Variants in ZNF608 observed in about 807,000 individuals in gnomAD.
ZNF608 encodes the protein renal carcinoma antigen NY-REN-36.
ZNF608 carries 12 observed loss-of-function variants against 109.0 expected under a neutral mutation model. The observed-to-expected ratio is 0.11, with a 90% CI of 0.07 to 0.18. ZNF608 has a LOEUF of 0.18. Among genes scored for constraint, ZNF608 ranks in the 10% least tolerant of loss-of-function variants. The pLI, the probability that ZNF608 is intolerant of heterozygous loss-of-function variation, is 1.00. For synonymous variants in ZNF608, 732 were observed against 717.4 expected, an observed-to-expected ratio of 1.02 and a Z score of -0.33; for missense variants, 1,707 against 1,879.3, an observed-to-expected ratio of 0.91 and a Z score of 1.70.
rs1186463185 is a variant in ZNF608, at chr5:124,746,637, A to G, written c.-626T>C. ...AGCAAACCTACAGGCGTCCGCTAGT[A>G]ACGAGACAGAATGTGCTAACATCGG... On this transcript the variant is annotated 5_prime_UTR_variant, in exon 1 of 10. Coordinates refer to ENST00000513986, the MANE Select transcript of ZNF608 (RefSeq NM_020747.3). 1 of 985,310 alleles carries G rather than the reference A, an allele frequency of 1.0e-6. No homozygotes were observed. The highest frequency in any genetic ancestry group is 1.2e-6 in the Non-Finnish European group (1 of 829,934). 61.0% of individuals were successfully genotyped at this position (985,310 alleles called of 1,614,324 possible). A position where few individuals can be genotyped will look rare whatever the true frequency, so the allele number is the denominator to read the frequency against.
rs183968861 is a variant in ZNF608 at position 124,729,446 on chromosome 5, G to A, written c.906+14638C>T. On this transcript the variant is annotated intron_variant, in intron 2 of 9. Transcript: ENST00000513986. Reference sequence around the variant, plus strand: ...GGCAGCAAAGTGGTATCACACTGGAGCGGAAACCTATTCTGAGCCCGGGAG... The same window carrying A: ...GGCAGCAAAGTGGTATCACACTGGAACGGAAACCTATTCTGAGCCCGGGAG... Among the ~76,000 whole-genome samples, 52 of 152,294 alleles carry A rather than the reference G, an allele frequency of 3.4e-4. 1 individual carries two copies. The East Asian group carries it at 8.3e-3, about 24-fold the overall frequency.
rs1170930350 is a variant in ZNF608 at position 124,648,425 on chromosome 5, A to G, written c.1959T>C (p.Gly653=). 4 of 1,613,992 alleles carry G rather than the reference A, an allele frequency of 2.5e-6. No individual in the cohort carries two copies. Among genetic ancestry groups the G allele is most frequent in the East Asian group, 2.2e-5 (1 of 44,886 alleles). The change falls in exon 5 of 10, where the codon GGT becomes GGC. Residue 653 remains glycine (G), a synonymous_variant. Transcript: ENST00000513986. ...LMSNGPGSII[G]AKAGKNSGKK... ...TGCCAGAATTCTTCCCAGCTTTAGC[A>G]CCAATAATGGAACCTGGGCCATTGC...
At chr5:124,682,413 A>G (rs1477968656) in intron 3 of ZNF608, among the ~76,000 whole-genome samples, 1 of 152,214 alleles carries the variant, frequency 6.6e-6, no homozygotes, top group Non-Finnish European at 1.5e-5. Context: ...GAAAATGTGC[A>G]CCACGAAAAT....
chr5:124,646,231 C>T (rs186934070), intron 5 of ZNF608, among the ~76,000 whole-genome samples: 2 of 152,066 alleles, frequency 1.3e-5, no homozygotes, highest in African/African-American at 2.4e-5. Context: ...CATGGTGGCA[C>T]GTGCCTGTAG....
intron 1 of ZNF608, 157 bp downstream of exon 1, chr5:124,746,038 G>A (rs372995291): frequency 2.9e-5 from 21 of 717,704 alleles, no homozygotes; most frequent in Admixed American, 1.9e-4. Flanking sequence ...AGTGATCTGC[G>A]CCAAGGTGGC....
intron 2 of ZNF608, among the ~76,000 whole-genome samples, chr5:124,725,942 G>T (rs1754118944): frequency 6.6e-6 from 1 of 152,066 alleles, no homozygotes. Context: ...TTATAGAAAA[G>T]GGTGCTATAT....
At chr5:124,651,665 G>A (rs573505883) in intron 3 of ZNF608, among the ~76,000 whole-genome samples, 41 of 152,392 alleles carry the variant, frequency 2.7e-4, no homozygotes, top group Non-Finnish European at 4.1e-4. Context: ...ACATTTGTCT[G>A]CAGTGAAAGG....
chr5:124,699,298 C>T (rs891522268), intron 3 of ZNF608, among the ~76,000 whole-genome samples: 2 of 152,270 alleles, frequency 1.3e-5, no homozygotes, highest in East Asian at 3.9e-4. Flanking sequence ...AGCTTGCTCC[C>T]CACATGGGAC....
upstream of ZNF608, among the ~76,000 whole-genome samples, chr5:124,747,604 C>T (rs965851236): frequency 6.6e-6 from 1 of 151,566 alleles, no homozygotes; most frequent in South Asian, 2.1e-4. Flanking sequence ...AGTCTCTCCC[C>T]TCCCCCTGCA....
chr5:124,641,226 G>C (rs534529103), intron 8 of ZNF608, 26 bp downstream of exon 8: 1 of 1,613,078 alleles, frequency 6.2e-7, no homozygotes, highest in Non-Finnish European at 8.5e-7. Flanking sequence ...AATGGACAAA[G>C]ACACAGTAAT....
At chr5:124,710,692 T>C (rs1753453940) in intron 2 of ZNF608, 1 of 152,834 alleles carries the variant, frequency 6.5e-6, no homozygotes, top group Admixed American at 6.5e-5. Context: ...CAAATGTTGA[T>C]CCAAAACACT....
chr5:124,744,292 C>T lies in ZNF608; in HGVS notation c.698G>A (p.Gly233Glu), dbSNP rs752618657. The change falls in exon 2 of 10, where the codon GGG (glycine) becomes GAG (glutamate). Residue 233 changes from glycine to glutamate, a missense_variant. Around this residue, in one of 7 missense-constraint regions of ZNF608, gnomAD observed 407 missense variants for 398.7 expected, o/e 1.02. Coordinates refer to ENST00000513986, the MANE Select transcript of ZNF608 (RefSeq NM_020747.3). This position sits in a 1 kb window ranked among gnomAD's most constrained non-coding sequence, Gnocchi z 4.5. ...NGSGSQAPSG[G>E]HLYGFGAKSN... Reference sequence around the variant, plus strand: ...CTTGGCCCCAAAGCCATAGAGGTGCCCCCCGGAAGGGGCCTGGCTGCCACT... The same window carrying T: ...CTTGGCCCCAAAGCCATAGAGGTGCTCCCCGGAAGGGGCCTGGCTGCCACT... 22 of 1,613,844 alleles carry T rather than the reference C, an allele frequency of 1.4e-5. No homozygotes were observed. The highest frequency in any genetic ancestry group is 1.8e-5 in the Non-Finnish European group (21 of 1,179,988).
Position 124,648,778 on chromosome 5 carries a change from C to T in ZNF608, c.1606G>A (p.Gly536Arg). 6.2e-7 allele frequency: 1 copy of T among 1,614,212 alleles called. No individual in the cohort carries two copies. Among genetic ancestry groups the T allele is most frequent in the Non-Finnish European group, 8.5e-7 (1 of 1,180,026 alleles). Reference protein sequence around the residue: ...NSRSTPTTPQGKPETTFLDQG... With the variant: ...NSRSTPTTPQRKPETTFLDQG... ...TCCAAAAAAGTAGTCTCTGGTTTCCCTTGAGGGGTAGTGGGAGTGCTTCTG... is the reference window on the plus strand; with the variant it reads ...TCCAAAAAAGTAGTCTCTGGTTTCCTTTGAGGGGTAGTGGGAGTGCTTCTG... The change falls in exon 5 of 10, where the codon GGG becomes AGG. Residue 536 changes from glycine to arginine, a missense_variant. Physicochemically the swap from Gly to Arg is moderately radical, Grantham distance 125. Around this residue, in one of 7 missense-constraint regions of ZNF608, gnomAD observed 166 missense variants for 204.2 expected, o/e 0.81. Coordinates refer to ENST00000513986, the MANE Select transcript of ZNF608 (RefSeq NM_020747.3).
In ZNF608 at chr5:124,648,331, T is replaced by A. The variant is rs138313302; in HGVS notation, c.2053A>T (p.Ser685Cys). 2 of 1,614,114 alleles carry A rather than the reference T, an allele frequency of 1.2e-6. No homozygotes were observed. Among genetic ancestry groups the A allele is most frequent in the Admixed American group, 1.7e-5 (1 of 59,998 alleles). The change falls in exon 5 of 10, where the codon AGT (serine) becomes TGT (cysteine). Residue 685 changes from serine (S) to cysteine (C), a missense_variant. This residue lies in a region of ZNF608 where 1,073 missense variants were observed against 1,133.5 expected (regional missense o/e 0.95). Transcript: ENST00000513986. ...AAACTGCCGTCTGCTGCCGAGCAAC[T>A]GTCTAACGCAGCCGTCATGTTGGAG... ...VISNMTAALD[S>C]CSAADGSLAA...
chr5:124,663,513 G>A (rs1423033747), intron 3 of ZNF608, among the ~76,000 whole-genome samples: 6 of 152,132 alleles, frequency 3.9e-5, no homozygotes, highest in East Asian at 1.9e-4. Context: ...TTGACATTTC[G>A]GAAATCAAAT....
Position 124,664,615 on chromosome 5 carries a change from A to T in ZNF608, c.1163-14918T>A, listed in dbSNP as rs1046591515. On this transcript the variant is annotated intron_variant, in intron 3 of 9. Transcript: ENST00000513986. ...CAGGTCCTTTTATTATTGCTATTTTACTGATGAGCAAAGTAACTCTTGGAA... is the reference window on the plus strand; with the variant it reads ...CAGGTCCTTTTATTATTGCTATTTTTCTGATGAGCAAAGTAACTCTTGGAA... 2.0e-5 allele frequency among the ~76,000 whole-genome samples: 3 copies of T among 152,242 alleles called. No homozygotes were observed. The East Asian group carries it at 5.8e-4, about 29-fold the overall frequency.
At chr5:124,676,054 G>A (rs1212023828) in intron 3 of ZNF608, among the ~76,000 whole-genome samples, 2 of 152,206 alleles carry the variant, frequency 1.3e-5, no homozygotes, top group East Asian at 3.8e-4. Flanking sequence ...AAGTAGAGAT[G>A]TAGCATTCTA....
Position 124,746,250 on chromosome 5 carries a change from C to G in ZNF608, c.-239G>C. The G allele has an allele frequency of 4.1e-6, 4 of 985,438 alleles. No individual in the cohort carries two copies. Among genetic ancestry groups the G allele is most frequent in the Non-Finnish European group, 4.8e-6 (4 of 829,940 alleles). The allele number at this position is 985,438 out of a possible 1,614,324, so 61.0% of individuals were successfully genotyped here. On this transcript the variant is annotated 5_prime_UTR_variant, in exon 1 of 10. Coordinates refer to ENST00000513986, the MANE Select transcript of ZNF608 (RefSeq NM_020747.3). ...CCAGCAAATCAAAATGCCTTTCCCA[C>G]TCCACTCGGCAAACAAGCCTGTGCC...
chr5:124,736,785 A>G (rs1561593432), intron 2 of ZNF608, among the ~76,000 whole-genome samples: 2 of 152,234 alleles, frequency 1.3e-5, no homozygotes, highest in Non-Finnish European at 2.9e-5. Context: ...GACTTCCAGG[A>G]GTTTATGAAA....
Sources: gnomAD v4.1 joint callset for allele counts (sites outside exome capture counted in the v4.1 genomes callset) on GRCh38, gnomAD v4.1.1 for gene constraint, gnomAD v4.1.1 regional missense constraint, Gnocchi (gnomAD v3.1) non-coding constraint, MANE v1.5 for transcripts, NCBI Gene and HGNC (gene_info 2026-07-23, HGNC 2026-07-21) for gene names.